Variants in POU2AF2 observed in about 807,000 individuals in gnomAD.
POU2AF2 encodes POU domain class 2-associating factor 2.
chr11:111,257,260 T>C, the POU2AF2 span, among the ~76,000 whole-genome samples: 1 of 152,242 alleles, frequency 6.6e-6, no homozygotes, highest in Non-Finnish European at 1.5e-5. Flanking sequence ...GTTGGCACCA[T>C]GTTCAACTCT....
chr11:111,271,976 C>A, the POU2AF2 span, among the ~76,000 whole-genome samples: 1 of 152,174 alleles, frequency 6.6e-6, no homozygotes, highest in Non-Finnish European at 1.5e-5. Flanking sequence ...AAGATTGTGT[C>A]ATTGCACTCC....
chr11:111,270,403 A>G, the POU2AF2 span, among the ~76,000 whole-genome samples: 19 of 152,242 alleles, frequency 1.2e-4, no homozygotes, highest in African/African-American at 1.9e-4. Context: ...TTTTATGTCA[A>G]TAACATAGCC....
the POU2AF2 span, among the ~76,000 whole-genome samples, chr11:111,261,272 C>T: frequency 7.2e-6 from 1 of 138,476 alleles, no homozygotes; most frequent in Non-Finnish European, 1.6e-5. Flanking sequence ...CACACACACA[C>T]ACACACACAC....
chr11:111,283,165 A>G, the POU2AF2 span, among the ~76,000 whole-genome samples: 1 of 149,136 alleles, frequency 6.7e-6, no homozygotes, highest in Non-Finnish European at 1.5e-5. Context: ...CAGCCTCCTG[A>G]GTAACTGGGA....
the POU2AF2 span, among the ~76,000 whole-genome samples, chr11:111,260,308 G>A: frequency 1.3e-5 from 2 of 152,056 alleles, no homozygotes; most frequent in South Asian, 4.1e-4. Flanking sequence ...CTACCATGTG[G>A]TTTACCATAA....
chr11:111,257,007 T>C, the POU2AF2 span, among the ~76,000 whole-genome samples: 9 of 152,252 alleles, frequency 5.9e-5, no homozygotes, highest in African/African-American at 2.2e-4. Flanking sequence ...GTTTAAGTAG[T>C]TGCACCAGAT....
chr11:111,264,298 C>G, the POU2AF2 span, among the ~76,000 whole-genome samples: 1 of 151,926 alleles, frequency 6.6e-6, no homozygotes, highest in African/African-American at 2.4e-5. Flanking sequence ...GAGTTTGACA[C>G]CAGCCTGGCC....
At chr11:111,280,659 C>A in the POU2AF2 span, among the ~76,000 whole-genome samples, 1 of 152,074 alleles carries the variant, frequency 6.6e-6, no homozygotes, top group Non-Finnish European at 1.5e-5. Context: ...TTCAAGTCAC[C>A]CTTATTGTAT....
the POU2AF2 span, among the ~76,000 whole-genome samples, chr11:111,264,111 C>A: frequency 6.6e-6 from 1 of 152,162 alleles, no homozygotes; most frequent in Non-Finnish European, 1.5e-5. Context: ...GATGGCTTTG[C>A]TCCAAGTGCC....
the POU2AF2 span, among the ~76,000 whole-genome samples, chr11:111,248,144 G>A: frequency 6.6e-6 from 1 of 151,976 alleles, no homozygotes; most frequent in South Asian, 2.1e-4. Flanking sequence ...GCCTTTTCTT[G>A]TATTCTCCTG....
the POU2AF2 span, among the ~76,000 whole-genome samples, chr11:111,265,781 C>A: frequency 6.6e-6 from 1 of 151,690 alleles, no homozygotes; most frequent in Non-Finnish European, 1.5e-5. Flanking sequence ...GTCATCACTA[C>A]TATTAATTTT....
the POU2AF2 span, chr11:111,256,036 G>T: frequency 2.5e-6 from 1 of 399,220 alleles, no homozygotes; most frequent in African/African-American, 2.1e-5. Context: ...GAAGCATACA[G>T]TCAAAGATCT....
chr11:111,259,505 G>A, the POU2AF2 span, among the ~76,000 whole-genome samples: 7 of 151,820 alleles, frequency 4.6e-5, no homozygotes, highest in Admixed American at 3.9e-4. Context: ...TAGTAGAGAC[G>A]GGGTTTCACC....
At chr11:111,258,816 T>A in the POU2AF2 span, among the ~76,000 whole-genome samples, 1 of 152,222 alleles carries the variant, frequency 6.6e-6, no homozygotes, top group Non-Finnish European at 1.5e-5. Context: ...GTTTGAGAAC[T>A]TTGCCATAGA....
chr11:111,284,868 A>G, the POU2AF2 span, among the ~76,000 whole-genome samples: 1 of 152,070 alleles, frequency 6.6e-6, no homozygotes, highest in African/African-American at 2.4e-5. Context: ...TTCTCTCTCA[A>G]TCCTTCCAAA....
chr11:111,285,905 A>C, the POU2AF2 span: 1 of 1,613,546 alleles, frequency 6.2e-7, no homozygotes, highest in South Asian at 1.1e-5. Flanking sequence ...CACCCCTTTC[A>C]TGACGGTGTC....
the POU2AF2 span, among the ~76,000 whole-genome samples, chr11:111,280,880 G>C: frequency 6.6e-6 from 1 of 152,166 alleles, no homozygotes; most frequent in Admixed American, 6.5e-5. Flanking sequence ...ATTCATGCGA[G>C]TTTTGCTGTT....
the POU2AF2 span, among the ~76,000 whole-genome samples, chr11:111,250,255 G>T: frequency 6.6e-6 from 1 of 151,858 alleles, no homozygotes; most frequent in Non-Finnish European, 1.5e-5. Flanking sequence ...CAGTATTTCT[G>T]GCTAGCCTCT....
chr11:111,270,063 A>G, the POU2AF2 span, among the ~76,000 whole-genome samples: 1 of 152,250 alleles, frequency 6.6e-6, no homozygotes, highest in African/African-American at 2.4e-5. Flanking sequence ...AATTTCAGAC[A>G]GAATAAGAGT....
Sources: gnomAD v4.1 joint callset for allele counts (sites outside exome capture counted in the v4.1 genomes callset) on GRCh38, gnomAD v4.1.1 for gene constraint, MANE v1.5 for transcripts, NCBI Gene and HGNC (gene_info 2026-07-23, HGNC 2026-07-21) for gene names.